The following DDC variants were observed in gnomAD, a reference collection of about 807,000 sequenced individuals.
DDC encodes dopa decarboxylase, also known as aromatic-L-amino-acid decarboxylase.
DDC carries 43 observed loss-of-function variants against 60.0 expected under a neutral mutation model. The observed-to-expected ratio is 0.72, with a 90% CI of 0.56 to 0.92. DDC has a LOEUF of 0.92. Among genes scored for constraint, DDC ranks in the 40% least tolerant of loss-of-function variants. The pLI is 0.00. For missense variants in DDC, 573 were observed against 620.2 expected, an observed-to-expected ratio of 0.92 and a Z score of 0.81; for synonymous variants, 232 against 234.6, an observed-to-expected ratio of 0.99 and a Z score of 0.10.
chr7:50,551,860 G>C (rs1009897682), intron 1 of DDC, among the ~76,000 whole-genome samples: 2 of 152,004 alleles, frequency 1.3e-5, no homozygotes, highest in South Asian at 4.1e-4. Flanking sequence ...AATGCCTTTT[G>C]AAGCAAATAT....
At chr7:50,539,042 A>G (rs746312248) in intron 3 of DDC, 5 of 152,486 alleles carry the variant, frequency 3.3e-5, no homozygotes, top group African/African-American at 9.6e-5. Context: ...CTGGTGAAGC[A>G]GAGGTGGCTC....
chr7:50,502,707 C>T (rs2043289596), intron 7 of DDC, among the ~76,000 whole-genome samples: 1 of 152,240 alleles, frequency 6.6e-6, no homozygotes, highest in African/African-American at 2.4e-5. Context: ...AAGTCTATGC[C>T]ACCCACCTCC....
chr7:50,546,637 T>G (rs554398124), intron 1 of DDC, among the ~76,000 whole-genome samples: 3 of 152,244 alleles, frequency 2.0e-5, no homozygotes, highest in African/African-American at 7.2e-5. Context: ...TTTCCTTCCA[T>G]TGGCATTCTC....
chr7:50,461,890 G>A lies in DDC; in HGVS notation c.*18+1323C>T, dbSNP rs187916764. Among the ~76,000 whole-genome samples, 64 of 152,260 alleles carry A rather than the reference G, an allele frequency of 4.2e-4. No homozygotes were observed. The Middle Eastern group carries it at 0.01, about 24-fold the overall frequency. On this transcript the variant is annotated intron_variant, in intron 14 of 14. Transcript: ENST00000444124. Reference sequence around the variant, plus strand: ...TAGGGGAAGGCCCTGGTTGCACCAGGGAAAGGACCTGGTTCTCAGGGCACA... The same window carrying A: ...TAGGGGAAGGCCCTGGTTGCACCAGAGAAAGGACCTGGTTCTCAGGGCACA...
intron 11 of DDC, among the ~76,000 whole-genome samples, chr7:50,475,904 G>T (rs1042500200): frequency 6.6e-6 from 1 of 151,972 alleles, no homozygotes; most frequent in African/African-American, 2.4e-5. Context: ...TGGCCAGGCT[G>T]GTCTCGAAGA....
intron 1 of DDC, among the ~76,000 whole-genome samples, chr7:50,548,295 C>A (rs1473469171): frequency 1.3e-5 from 2 of 152,102 alleles, no homozygotes; most frequent in African/African-American, 4.8e-5. Flanking sequence ...AAATCAAAAG[C>A]TAGAAATGAT....
At chr7:50,469,542 C>A (rs2042482534) in intron 12 of DDC, among the ~76,000 whole-genome samples, 1 of 152,170 alleles carries the variant, frequency 6.6e-6, no homozygotes, top group East Asian at 1.9e-4. Context: ...TAAAGCACAA[C>A]CTATGTGATG....
intron 4 of DDC, among the ~76,000 whole-genome samples, chr7:50,532,186 A>G (rs1333273485): frequency 1.3e-5 from 2 of 152,128 alleles, no homozygotes; most frequent in Admixed American, 1.3e-4. Context: ...TTGGGGCCTC[A>G]CCAATTACAG....
At chr7:50,564,475 G>A (rs1418481614) in intron 1 of DDC, 1 of 152,242 alleles carries the variant, frequency 6.6e-6, no homozygotes, top group Non-Finnish European at 1.5e-5. Flanking sequence ...AGGTGAAGAA[G>A]GCAAACCTTC....
Position 50,501,486 on chromosome 7 carries a change from G to A in DDC, c.782-2244C>T, listed in dbSNP as rs570454728. ...CCCTCACTGGCAAATCATTTCAAAT[G>A]CAATAAAAAGAAAATGTCTTTCCTA... On this transcript the variant is annotated intron_variant, in intron 7 of 14. Transcript: ENST00000444124. 5.9e-5 allele frequency among the ~76,000 whole-genome samples: 9 copies of A among 152,276 alleles called. No individual in the cohort carries two copies. The East Asian group carries it at 9.6e-4, about 16-fold the overall frequency.
chr7:50,540,299 C>T (rs2044581733), intron 2 of DDC, among the ~76,000 whole-genome samples: 1 of 152,140 alleles, frequency 6.6e-6, no homozygotes, highest in Non-Finnish European at 1.5e-5. Context: ...AGTTCTATCT[C>T]CAAAATAAAG....
At chr7:50,520,712 A>G (rs1216384838) in intron 6 of DDC, among the ~76,000 whole-genome samples, 2 of 152,046 alleles carry the variant, frequency 1.3e-5, no homozygotes, top group African/African-American at 4.8e-5. Context: ...TCAGGAGTTC[A>G]AGGCCAGCCT....
intron 13 of DDC, among the ~76,000 whole-genome samples, chr7:50,466,514 A>T (rs2042402236): frequency 6.6e-6 from 1 of 150,494 alleles, no homozygotes; most frequent in Admixed American, 6.6e-5. Flanking sequence ...AAAAAAAAAA[A>T]AAACCTTATA....
At chr7:50,537,810 T>C (rs755887919) in intron 4 of DDC, 50 bp downstream of exon 4, 8 of 1,612,762 alleles carry the variant, frequency 5.0e-6, no homozygotes, top group Non-Finnish European at 6.8e-6. Flanking sequence ...GCTACAGTCC[T>C]GTGCAGAGCC....
intron 6 of DDC, among the ~76,000 whole-genome samples, chr7:50,519,862 T>C (rs1451135827): frequency 2.0e-5 from 3 of 152,078 alleles, no homozygotes; most frequent in Non-Finnish European, 4.4e-5. Flanking sequence ...TGTAACCAAA[T>C]ACCACCTGTA....
At chr7:50,512,540 G>A (rs2043609086) in intron 6 of DDC, among the ~76,000 whole-genome samples, 1 of 152,092 alleles carries the variant, frequency 6.6e-6, no homozygotes, top group Non-Finnish European at 1.5e-5. Context: ...CCACCCCCAG[G>A]CCCATGGCAC....
intron 9 of DDC, among the ~76,000 whole-genome samples, chr7:50,486,353 T>G (rs1562994840): frequency 6.6e-6 from 1 of 152,176 alleles, no homozygotes; most frequent in East Asian, 1.9e-4. Flanking sequence ...GACTATCCAC[T>G]GTGGAATGAA....
At chr7:50,511,701 C>G (rs564226093) in intron 6 of DDC, among the ~76,000 whole-genome samples, 6 of 152,084 alleles carry the variant, frequency 3.9e-5, no homozygotes, top group Admixed American at 3.9e-4. Flanking sequence ...TGCACTCCAG[C>G]CTGGGCGACA....
chr7:50,489,625 G>A (rs2042958066), intron 9 of DDC, among the ~76,000 whole-genome samples: 1 of 152,144 alleles, frequency 6.6e-6, no homozygotes, highest in Non-Finnish European at 1.5e-5. Flanking sequence ...GAGACACAGG[G>A]CCAGAAATTA....
Sources: allele counts gnomAD v4.1 joint callset (sites outside exome capture counted in the v4.1 genomes callset), GRCh38; gene constraint gnomAD v4.1.1; transcripts MANE v1.5; gene names NCBI Gene and HGNC (gene_info 2026-07-23, HGNC 2026-07-21).